The following ACTN2 variants were observed in gnomAD, a reference collection of about 807,000 sequenced individuals.
The protein encoded by ACTN2 is alpha-actinin-2.
Under a neutral mutation model 113.8 loss-of-function variants are expected in ACTN2, and 39 were observed. The observed-to-expected ratio is 0.34, with a 90% CI of 0.27 to 0.45. The LOEUF (loss-of-function observed/expected upper bound fraction) is 0.45. Among genes scored for constraint, ACTN2 ranks in the 20% least tolerant of loss-of-function variants. ACTN2 has a pLI of 1.00. For missense variants in ACTN2, 992 were observed against 1,177.9 expected (o/e 0.84, Z 2.31); for synonymous variants, 429 against 444.1 (o/e 0.97, Z 0.43).
chr1:236,740,526 CATTTTT>C (rs3053502), intron 10 of ACTN2, among the ~76,000 whole-genome samples: 2 of 150,360 alleles, frequency 1.3e-5, no homozygotes, highest in East Asian at 2.0e-4. Context: ...CAGAGCAAGT[CATTTTT>C]ATTTTTATTT....
rs1348305961 is a variant in ACTN2 at position 236,727,729 on chromosome 1, C to T, written c.588C>T (p.Asp196=). The change falls in exon 6 of 21, where the codon GAC becomes GAT. Residue 196 remains aspartate (D), a synonymous_variant. Coordinates refer to ENST00000366578, the MANE Select transcript of ACTN2 (RefSeq NM_001103.4). ...CCCTCATCCACCGACACCGGCCTGA[C>T]CTCATTGACTACTCAAAGCTTAACA... is the stretch of plus-strand genomic sequence containing the variant. ...LCALIHRHRP[D]LIDYSKLNKD... 1 of 1,614,136 alleles carries T rather than the reference C, an allele frequency of 6.2e-7. No individual in the cohort carries two copies. Among genetic ancestry groups the T allele is most frequent in the Non-Finnish European group, 8.5e-7 (1 of 1,180,028 alleles).
chr1:236,729,872 C>T (rs192769641), intron 6 of ACTN2, among the ~76,000 whole-genome samples: 116 of 152,306 alleles, frequency 7.6e-4, no homozygotes, highest in African/African-American at 2.6e-3. Context: ...TATTACAAAA[C>T]ATCCGTAGAT....
intron 1 of ACTN2, among the ~76,000 whole-genome samples, chr1:236,707,407 T>A (rs983024283): frequency 6.6e-6 from 1 of 152,208 alleles, no homozygotes; most frequent in Non-Finnish European, 1.5e-5. Context: ...GCGGAATATC[T>A]CCTATGCTCA....
intron 10 of ACTN2, among the ~76,000 whole-genome samples, chr1:236,741,398 G>C (rs990608482): frequency 6.6e-6 from 1 of 152,128 alleles, no homozygotes; most frequent in East Asian, 1.9e-4. Context: ...TACATTTCCA[G>C]CTCTGACTTT....
chr1:236,703,662 CTT>C (rs879452598), intron 1 of ACTN2, among the ~76,000 whole-genome samples: 2 of 142,216 alleles, frequency 1.4e-5, no homozygotes, highest in Admixed American at 7.1e-5. Flanking sequence ...AATGCTCTAT[CTT>C]TTTTTTTTTT....
intron 4 of ACTN2, among the ~76,000 whole-genome samples, chr1:236,725,445 T>G (rs1451284212): frequency 6.6e-6 from 1 of 151,966 alleles, no homozygotes. Flanking sequence ...CTGGCCAACG[T>G]GGCAAAATCC....
rs34785693 is a variant in ACTN2 at position 236,744,711 on chromosome 1, C to T, written c.1341C>T (p.Phe447=). 4,055 of 1,614,164 alleles carry T rather than the reference C, an allele frequency of 2.5e-3. 10 individuals carry two copies. The highest frequency in any genetic ancestry group is 3.8e-3 in the Middle Eastern group (23 of 6,062). The change falls in exon 12 of 21, where the codon TTC becomes TTT. Residue 447 remains phenylalanine (F), a synonymous_variant. Transcript: ENST00000366578. The stretch of plus-strand genomic sequence containing the variant: ...CTCTGCTGCGGAAGCACGAGGCGTT[C>T]GAGAGCGACCTGGCAGCGCACCAGG... ...VRALLRKHEA[F]ESDLAAHQDR... is the part of the protein sequence containing the mutation.
chr1:236,699,001 T>C (rs1396076309), intron 1 of ACTN2, among the ~76,000 whole-genome samples: 1 of 152,218 alleles, frequency 6.6e-6, no homozygotes, highest in Non-Finnish European at 1.5e-5. Context: ...CTAATGTATG[T>C]AGAAATAGTT....
At chr1:236,740,406 G>A (rs557474209) in intron 10 of ACTN2, among the ~76,000 whole-genome samples, 12 of 151,530 alleles carry the variant, frequency 7.9e-5, no homozygotes, top group East Asian at 2.0e-4. Context: ...GAGCCACCAC[G>A]CCCAGCCCCA....
chr1:236,729,403 A>G (rs1449397846), intron 6 of ACTN2, among the ~76,000 whole-genome samples: 1 of 152,228 alleles, frequency 6.6e-6, no homozygotes, highest in East Asian at 1.9e-4. Context: ...ACATTTCTGC[A>G]GTAGCCACTA....
chr1:236,761,209 A>G (rs1036692495), intron 20 of ACTN2, 36 bp downstream of exon 20: 1 of 1,612,464 alleles, frequency 6.2e-7, no homozygotes, highest in South Asian at 1.1e-5. Context: ...CTTTAGCAGG[A>G]GTCCACTACA....
intron 20 of ACTN2, 71 bp from the exon 21 acceptor site, chr1:236,762,390 G>A: frequency 6.3e-7 from 1 of 1,579,522 alleles, no homozygotes; most frequent in Non-Finnish European, 8.7e-7. Flanking sequence ...CAAGAAATAT[G>A]TAAGTATTAA....
chr1:236,695,487 A>G (rs1239450909), intron 1 of ACTN2, among the ~76,000 whole-genome samples: 2 of 150,524 alleles, frequency 1.3e-5, no homozygotes, highest in African/African-American at 2.4e-5. Flanking sequence ...ATACAGATTT[A>G]TGTATATCAT....
chr1:236,736,550 T>C (rs1254981072), intron 8 of ACTN2: 1 of 1,492,892 alleles, frequency 6.7e-7, no homozygotes, highest in African/African-American at 1.4e-5. Flanking sequence ...CAATGACTTC[T>C]CATCTAGGTT....
chr1:236,746,388 A>G (rs984054898), intron 12 of ACTN2, among the ~76,000 whole-genome samples: 3 of 152,030 alleles, frequency 2.0e-5, no homozygotes, highest in Non-Finnish European at 4.4e-5. Flanking sequence ...TTATCCCTGG[A>G]GGTACTGGGT....
intron 7 of ACTN2, among the ~76,000 whole-genome samples, chr1:236,732,118 T>C (rs1658727450): frequency 6.6e-6 from 1 of 152,266 alleles, no homozygotes; most frequent in African/African-American, 2.4e-5. Context: ...TGGGGAAAAC[T>C]AAGGAAATTG....
chr1:236,748,283 C>T (rs570162773), intron 13 of ACTN2: 22 of 161,038 alleles, frequency 1.4e-4, no homozygotes, highest in Non-Finnish European at 2.6e-4. Flanking sequence ...ACATCTCCCA[C>T]GTGAGAGAAA....
intron 15 of ACTN2, 91 bp from the exon 16 acceptor site, chr1:236,753,856 C>A (rs1659470878): frequency 6.2e-6 from 7 of 1,136,410 alleles, no homozygotes; most frequent in Non-Finnish European, 7.7e-6. Context: ...TCCACTCCCA[C>A]CCCCACCCCT....
At chr1:236,730,563 T>C (rs979466392) in intron 6 of ACTN2, among the ~76,000 whole-genome samples, 1 of 152,190 alleles carries the variant, frequency 6.6e-6, no homozygotes, top group African/African-American at 2.4e-5. Context: ...ATAAGAAATG[T>C]TGCATCTTCT....
Sources: gnomAD v4.1 joint callset for allele counts (sites outside exome capture counted in the v4.1 genomes callset) on GRCh38, gnomAD v4.1.1 for gene constraint, MANE v1.5 for transcripts, NCBI Gene and HGNC (gene_info 2026-07-23, HGNC 2026-07-21) for gene names.